CSRNP3: variants seen among roughly 807,000 people sequenced by gnomAD.
CSRNP3 encodes cysteine/serine-rich nuclear protein 3.
CSRNP3 carries 12 observed loss-of-function variants against 48.0 expected under a neutral mutation model. The ratio of observed to expected loss-of-function variants is 0.25; its 90% CI spans 0.16 to 0.41. CSRNP3 has a LOEUF of 0.41. CSRNP3 is among the 10% of genes least tolerant of loss of function. The probability of loss-of-function intolerance (pLI) is 1.00; values close to 1 mark genes in which losing one functional copy is unlikely to be tolerated. For missense variants in CSRNP3, 580 were observed against 724.4 expected, an observed-to-expected ratio of 0.80 and a Z score of 2.29; for synonymous variants, 263 against 269.7, an observed-to-expected ratio of 0.98 and a Z score of 0.24.
intron 3 of CSRNP3, among the ~76,000 whole-genome samples, chr2:165,558,708 TTAAAG>T (rs1685193406): frequency 6.6e-6 from 1 of 152,254 alleles, no homozygotes; most frequent in African/African-American, 2.4e-5. Context: ...ATTAAAAAAA[TTAAAG>T]TAAACAGCAT....
chr2:165,561,675 G>A (rs1026633026), intron 3 of CSRNP3, among the ~76,000 whole-genome samples: 8 of 152,074 alleles, frequency 5.3e-5, no homozygotes, highest in African/African-American at 1.7e-4. Context: ...TTTTGTCTTA[G>A]GAAATTCTCC....
intron 3 of CSRNP3, among the ~76,000 whole-genome samples, chr2:165,528,957 G>A (rs1421316229): frequency 6.6e-6 from 1 of 152,156 alleles, no homozygotes; most frequent in East Asian, 1.9e-4. Context: ...GGGCATCCCT[G>A]TGATCCTGGG....
chr2:165,599,289 GAAAGAAAGAA>G (rs1192994861), intron 4 of CSRNP3, among the ~76,000 whole-genome samples: 2 of 93,998 alleles, frequency 2.1e-5, no homozygotes, highest in Non-Finnish European at 5.1e-5. Flanking sequence ...GAGAGAGAAA[GAAAGAAAGAA>G]AGAAAGAAAG....
intron 5 of CSRNP3, among the ~76,000 whole-genome samples, chr2:165,674,583 A>G (rs948695833): frequency 1.7e-4 from 26 of 148,854 alleles, no homozygotes; most frequent in Admixed American, 4.1e-4. Flanking sequence ...GTACCTTTTC[A>G]TGATCACAGA....
At chr2:165,659,828 G>T (rs1171345311) in intron 5 of CSRNP3, among the ~76,000 whole-genome samples, 2 of 152,150 alleles carry the variant, frequency 1.3e-5, no homozygotes, top group Non-Finnish European at 2.9e-5. Context: ...CAGTCAGCAG[G>T]GGTGTGATGT....
At chr2:165,485,002 C>CTG (rs34123312) in intron 1 of CSRNP3, among the ~76,000 whole-genome samples, 44,415 of 151,918 alleles carry the variant, frequency 0.29, 6,809 homozygotes, top group East Asian at 0.39. Context: ...TTAATTCAAA[C>CTG]TGATTATTCT....
Position 165,549,139 on chromosome 2 carries a change from G to A in CSRNP3, c.-24+31178G>A, listed in dbSNP as rs185463457. On this transcript the variant is annotated intron_variant, in intron 3 of 6. Transcript: ENST00000651982. ...TATATTGAGATTACCCTGAAAAGCT[G>A]TAAAGGAATAATTTTGAGCTGGTGA... Among the ~76,000 whole-genome samples the A allele has an allele frequency of 3.8e-4, 57 of 151,794 alleles. No homozygotes were observed. The East Asian group carries it at 0.011, about 29-fold the overall frequency.
At chr2:165,585,212 G>GT (rs35019068) in intron 3 of CSRNP3, among the ~76,000 whole-genome samples, 2,990 of 143,138 alleles carry the variant, frequency 0.021, 90 homozygotes, top group African/African-American at 0.069. Context: ...AGCATAATGT[G>GT]TTTTTTTTTT....
chr2:165,507,814 C>T (rs1383275104), intron 2 of CSRNP3, among the ~76,000 whole-genome samples: 1 of 152,098 alleles, frequency 6.6e-6, no homozygotes. Context: ...TGGGATACTC[C>T]TAACATCTTA....
At chr2:165,531,433 G>A (rs1468880013) in intron 3 of CSRNP3, among the ~76,000 whole-genome samples, 1 of 152,136 alleles carries the variant, frequency 6.6e-6, no homozygotes, top group Non-Finnish European at 1.5e-5. Context: ...AGGCTTGGCT[G>A]GTAAATTTTC....
chr2:165,522,670 A>G (rs1684678344), intron 3 of CSRNP3, among the ~76,000 whole-genome samples: 1 of 151,906 alleles, frequency 6.6e-6, no homozygotes, highest in African/African-American at 2.4e-5. Flanking sequence ...CAAATGTAAT[A>G]AACTCTTTTC....
At chr2:165,493,876 C>T (rs2105460000) in intron 1 of CSRNP3, among the ~76,000 whole-genome samples, 1 of 152,196 alleles carries the variant, frequency 6.6e-6, no homozygotes, top group South Asian at 2.1e-4. Context: ...TTACATATGA[C>T]CCAACTTACT....
chr2:165,633,467 G>A (rs900106205), intron 4 of CSRNP3, among the ~76,000 whole-genome samples: 4 of 152,114 alleles, frequency 2.6e-5, no homozygotes, highest in African/African-American at 7.2e-5. Flanking sequence ...ATTACAAAAC[G>A]AAAGCAATTT....
In CSRNP3 at chr2:165,665,550, C is replaced by T. The variant is rs546035728; in HGVS notation, c.408+7530C>T. On this transcript the variant is annotated intron_variant, in intron 5 of 6. Transcript: ENST00000651982. ...CAGAGGCTGGAGAATTGCTGGAGGC[C>T]GGGAGTTAAAGACCAGCCTGGGCAA... Among the ~76,000 whole-genome samples, 31 of 152,066 alleles carry T rather than the reference C, an allele frequency of 2.0e-4. No homozygotes were observed. The East Asian group carries it at 2.1e-3, about 10-fold the overall frequency.
intron 1 of CSRNP3, among the ~76,000 whole-genome samples, chr2:165,485,351 C>A (rs1168993935): frequency 1.3e-5 from 2 of 152,136 alleles, no homozygotes; most frequent in African/African-American, 4.8e-5. Context: ...CAATTAAACA[C>A]CTATATAGTG....
At chr2:165,510,444 C>T (rs1684486865) in intron 2 of CSRNP3, among the ~76,000 whole-genome samples, 1 of 152,100 alleles carries the variant, frequency 6.6e-6, no homozygotes, top group South Asian at 2.1e-4. Context: ...TCAACTCTGA[C>T]CATTGAGAGC....
Position 165,497,204 on chromosome 2 carries a change from G to A in CSRNP3, c.-113+2276G>A, listed in dbSNP as rs530395447. ...AGGAGAAAACACATACATATCCACT[G>A]TGGTCAGAGGAGAATACTTAAGCTA... is the stretch of plus-strand genomic sequence containing the variant. On this transcript the variant is annotated intron_variant, in intron 2 of 6. Transcript: ENST00000651982. Among the ~76,000 whole-genome samples, 5 of 152,198 alleles carry A rather than the reference G, an allele frequency of 3.3e-5. 2 individuals are homozygous for A. Among genetic ancestry groups the A allele is most frequent in the African/African-American group, 1.2e-4 (5 of 41,554 alleles).
chr2:165,601,436 G>A (rs978617623), intron 4 of CSRNP3, among the ~76,000 whole-genome samples: 3 of 152,140 alleles, frequency 2.0e-5, no homozygotes, highest in African/African-American at 7.2e-5. Flanking sequence ...ATTCTAAATT[G>A]CACATGAATG....
chr2:165,495,903 C>G (rs1558916621), intron 2 of CSRNP3, among the ~76,000 whole-genome samples: 1 of 151,826 alleles, frequency 6.6e-6, no homozygotes. Flanking sequence ...ACCAAAACAG[C>G]CTTAATGGGT....
Sources: allele counts gnomAD v4.1 joint callset (sites outside exome capture counted in the v4.1 genomes callset), GRCh38; gene constraint gnomAD v4.1.1; transcripts MANE v1.5; gene names NCBI Gene and HGNC (gene_info 2026-07-23, HGNC 2026-07-21).